The following CBLB variants were observed in gnomAD, a reference collection of about 807,000 sequenced individuals.
CBLB encodes Cbl proto-oncogene B, also known as E3 ubiquitin-protein ligase CBL-B.
Under a neutral mutation model 104.9 loss-of-function variants are expected in CBLB, and 31 were observed. That is an observed-to-expected ratio of 0.30 (90% CI 0.22 to 0.40). CBLB has a LOEUF of 0.40. Ranked by LOEUF, CBLB falls within the 10% of genes least tolerant of loss-of-function variation. CBLB has a pLI of 1.00. For synonymous variants in CBLB, 440 were observed against 422.6 expected (o/e 1.04, Z -0.51); for missense variants, 1,062 against 1,214.6 (o/e 0.87, Z 1.87).
At chr3:105,806,479 C>CAAAAAAAAAAAAAA (rs367966052) in intron 3 of CBLB, among the ~76,000 whole-genome samples, 1 of 125,058 alleles carries the variant, frequency 8.0e-6, no homozygotes, top group Non-Finnish European at 1.6e-5. Flanking sequence ...ACTAAAACCT[C>CAAAAAAAAAAAAAA]AAAAAAAAAA....
intron 10 of CBLB, among the ~76,000 whole-genome samples, chr3:105,714,094 G>A (rs1052707169): frequency 6.6e-6 from 1 of 151,902 alleles, no homozygotes; most frequent in Non-Finnish European, 1.5e-5. Context: ...GCTCCAACAC[G>A]GACTCTAATC....
chr3:105,743,664 A>G (rs1363248106), intron 6 of CBLB, among the ~76,000 whole-genome samples: 1 of 151,626 alleles, frequency 6.6e-6, no homozygotes, highest in African/African-American at 2.4e-5. Context: ...AAGGAGCCAA[A>G]ATGTCCTTGA....
At chr3:105,864,077 T>C (rs1174709006) in intron 2 of CBLB, among the ~76,000 whole-genome samples, 1 of 152,168 alleles carries the variant, frequency 6.6e-6, no homozygotes, top group African/African-American at 2.4e-5. Flanking sequence ...AACACAATAA[T>C]GCTGTTCCTA....
chr3:105,702,083 G>A lies in CBLB; in HGVS notation c.1959+11C>T, dbSNP rs750676033. The A allele has an allele frequency of 4.3e-6, 7 of 1,613,780 alleles. No individual in the cohort carries two copies. Among genetic ancestry groups the A allele is most frequent in the Middle Eastern group, 1.6e-4 (1 of 6,076 alleles). ...GCAGATTCTCTAGCTTCTGCTTTGCGTATTTCTTACCTTAGCTCCTTCTAA... is the reference window on the plus strand; with the variant it reads ...GCAGATTCTCTAGCTTCTGCTTTGCATATTTCTTACCTTAGCTCCTTCTAA... On this transcript the variant is annotated intron_variant, in intron 12 of 18. Transcript: ENST00000394030.
At chr3:105,672,526 T>C in intron 17 of CBLB, 1 of 161,638 alleles carries the variant, frequency 6.2e-6, no homozygotes, top group Non-Finnish European at 1.4e-5. Flanking sequence ...TTACCAATTG[T>C]CCCCTGATAA....
At chr3:105,814,558 T>A (rs2084753544) in intron 3 of CBLB, among the ~76,000 whole-genome samples, 1 of 151,014 alleles carries the variant, frequency 6.6e-6, no homozygotes. Flanking sequence ...TTCATGGAAA[T>A]ATAAATGAAT....
intron 5 of CBLB, chr3:105,749,506 T>C (rs2076403214): frequency 6.5e-6 from 1 of 153,154 alleles, no homozygotes; most frequent in Non-Finnish European, 1.5e-5. Context: ...GTTTAGGTAA[T>C]CGTTTAACCA....
intron 4 of CBLB, among the ~76,000 whole-genome samples, chr3:105,774,609 G>A (rs2079241102): frequency 6.6e-6 from 1 of 152,090 alleles, no homozygotes; most frequent in Admixed American, 6.6e-5. Context: ...TCCCTCATTT[G>A]ATGTAGTAGT....
intron 6 of CBLB, 123 bp downstream of exon 6, chr3:105,745,794 T>C (rs958984313): frequency 3.5e-6 from 3 of 868,812 alleles, no homozygotes; most frequent in Non-Finnish European, 5.8e-6. Context: ...TTTGGTCTTT[T>C]ACCTTTTCTA....
chr3:105,734,635 G>T (rs990568107), intron 8 of CBLB, among the ~76,000 whole-genome samples: 1 of 152,060 alleles, frequency 6.6e-6, no homozygotes, highest in Non-Finnish European at 1.5e-5. Flanking sequence ...AGCACTTCCC[G>T]CATGCCAGGC....
chr3:105,843,387 T>C (rs1420201530), intron 3 of CBLB, among the ~76,000 whole-genome samples: 1 of 152,212 alleles, frequency 6.6e-6, no homozygotes, highest in Non-Finnish European at 1.5e-5. Flanking sequence ...TTATTTTCTA[T>C]GTGCAATAGG....
Position 105,740,588 on chromosome 3 carries a change from T to C in CBLB, c.889A>G (p.Ile297Val), listed in dbSNP as rs1255306349. ...TTCCCATCCCCAGTCACATAGCCAA[T>C]GGCCCACTGTCCCAATCGAGTGCAA... ...LSCTRLGQWAIGYVTGDGNIL... is the reference protein window; with the variant it reads ...LSCTRLGQWAVGYVTGDGNIL... The change falls in exon 7 of 19, where the codon ATT becomes GTT. Residue 297 changes from isoleucine (I) to valine (V), a missense_variant. By Grantham distance (29) the Ile-to-Val change is conservative. This residue lies in a region of CBLB where 457 missense variants were observed against 632.0 expected (regional missense o/e 0.72). Coordinates refer to ENST00000394030, the MANE Select transcript of CBLB (RefSeq NM_170662.5). 6.2e-7 allele frequency: 1 copy of C among 1,614,068 alleles called. No homozygotes were observed. Among genetic ancestry groups the C allele is most frequent in the Non-Finnish European group, 8.5e-7 (1 of 1,179,924 alleles).
chr3:105,838,240 C>T (rs7648842), intron 3 of CBLB, among the ~76,000 whole-genome samples: 32,766 of 142,876 alleles, frequency 0.23, 4,048 homozygotes, highest in East Asian at 0.42. Flanking sequence ...TGGGCCAACA[C>T]ACCTGGCTAT....
intron 3 of CBLB, among the ~76,000 whole-genome samples, chr3:105,778,914 G>A (rs976747148): frequency 4.1e-4 from 62 of 152,176 alleles, no homozygotes; most frequent in Admixed American, 1.4e-3. Flanking sequence ...CTTGTGGCTC[G>A]TACAAACTAC....
intron 10 of CBLB, among the ~76,000 whole-genome samples, chr3:105,704,698 T>G (rs1333390926): frequency 6.6e-6 from 1 of 151,974 alleles, no homozygotes; most frequent in Non-Finnish European, 1.5e-5. Context: ...TTAAGCCTAT[T>G]TTTTTTTCCT....
intron 4 of CBLB, among the ~76,000 whole-genome samples, chr3:105,754,853 T>C (rs948220840): frequency 1.3e-5 from 2 of 152,226 alleles, no homozygotes; most frequent in African/African-American, 4.8e-5. Flanking sequence ...AATCTATTAA[T>C]GACTTTTTGT....
At chr3:105,676,906 C>G (rs1414227194) in intron 17 of CBLB, among the ~76,000 whole-genome samples, 2 of 152,174 alleles carry the variant, frequency 1.3e-5, no homozygotes, top group African/African-American at 4.8e-5. Context: ...CTCTCTCTGG[C>G]ACCTGCTGCC....
At chr3:105,776,822 G>A (rs1044350868) in intron 3 of CBLB, among the ~76,000 whole-genome samples, 3 of 151,980 alleles carry the variant, frequency 2.0e-5, no homozygotes, top group Non-Finnish European at 4.4e-5. Flanking sequence ...TGAGCTCACA[G>A]ATTAATGGAA....
intron 10 of CBLB, among the ~76,000 whole-genome samples, chr3:105,708,630 C>G (rs1403290475): frequency 6.6e-6 from 1 of 151,822 alleles, no homozygotes; most frequent in Non-Finnish European, 1.5e-5. Context: ...TTCCTATATT[C>G]AAATTGCTTA....
Sources: allele counts gnomAD v4.1 joint callset (sites outside exome capture counted in the v4.1 genomes callset), GRCh38; gene constraint gnomAD v4.1.1; regional missense constraint gnomAD v4.1.1; transcripts MANE v1.5; gene names NCBI Gene and HGNC (gene_info 2026-07-23, HGNC 2026-07-21).